RIF1: variants seen among roughly 807,000 people sequenced by gnomAD.
RIF1 encodes telomere-associated protein RIF1.
A neutral mutation model predicts 247.1 loss-of-function variants in RIF1; 45 were observed. The observed-to-expected ratio is 0.18, with a 90% CI of 0.14 to 0.23. RIF1 has a LOEUF of 0.23. RIF1 is among the 10% of genes least tolerant of loss of function. The probability of loss-of-function intolerance (pLI) is 1.00; values close to 1 mark genes in which losing one functional copy is unlikely to be tolerated. For missense variants in RIF1, 2,967 were observed against 2,862.5 expected, an observed-to-expected ratio of 1.04 and a Z score of -0.83; for synonymous variants, 1,087 against 978.8, an observed-to-expected ratio of 1.11 and a Z score of -2.06.
the RIF1 span, among the ~76,000 whole-genome samples, chr2:151,523,897 A>G: frequency 6.6e-5 from 10 of 152,204 alleles, no homozygotes. Context: ...TGAAAAAAAA[A>G]TGAATATTTT....
downstream of RIF1, among the ~76,000 whole-genome samples, chr2:151,487,059 G>A (rs913068230): frequency 5.3e-5 from 8 of 152,118 alleles, no homozygotes; most frequent in African/African-American, 1.7e-4. Flanking sequence ...GTGTGTGTGC[G>A]CATGTGCGTG....
At chr2:151,418,773 CT>C (rs1371577075) in intron 6 of RIF1, among the ~76,000 whole-genome samples, 1 of 151,834 alleles carries the variant, frequency 6.6e-6, no homozygotes. Context: ...ATATGGGAGA[CT>C]GAGGCATTGA....
At chr2:151,527,084 T>C in the RIF1 span, 3 of 1,101,124 alleles carry the variant, frequency 2.7e-6, no homozygotes, top group Non-Finnish European at 4.0e-6. Context: ...AGCTGGGCAT[T>C]TGATTAAACA....
the RIF1 span, among the ~76,000 whole-genome samples, chr2:151,517,708 G>T: frequency 6.6e-6 from 1 of 152,126 alleles, no homozygotes; most frequent in Non-Finnish European, 1.5e-5. Flanking sequence ...GAAATCTGTA[G>T]GCACTTGTAA....
rs2048913389 is a variant in RIF1 at position 151,476,057 on chromosome 2, A to G, written c.*986A>G. Reference sequence around the variant, plus strand: ...AAAAGTATCCAGAATAAGTAAAATTATAGAAATAAGAAAATGTTACACAAC... The same window carrying G: ...AAAAGTATCCAGAATAAGTAAAATTGTAGAAATAAGAAAATGTTACACAAC... On this transcript the variant is annotated 3_prime_UTR_variant, in exon 36 of 36. Coordinates refer to ENST00000444746, the MANE Select transcript of RIF1 (RefSeq NM_018151.5). The G allele has an allele frequency of 6.6e-6, 1 of 152,264 alleles. No individual in the cohort carries two copies. The highest frequency in any genetic ancestry group is 2.4e-5 in the African/African-American group (1 of 41,464). The allele number at this position is 152,264 out of a possible 1,614,324, so 9.4% of individuals were successfully genotyped here.
Position 151,410,562 on chromosome 2 carries a change from G to A in RIF1, c.104+35G>A, listed in dbSNP as rs376872435. 103 of 1,515,766 alleles carry A rather than the reference G, an allele frequency of 6.8e-5. No homozygotes were observed. In the African/African-American group the frequency reaches 1.1e-3, roughly 17 times the overall value. The allele number at this position is 1,515,766 out of a possible 1,614,324, so 93.9% of individuals were successfully genotyped here. ...GCCACGGGGCGTAGCGGAGAGTGGG[G>A]CGCTCTATAGTGGGGAGAAAGAAGG... On this transcript the variant is annotated intron_variant, in intron 2 of 35. Transcript: ENST00000444746.
intron 11 of RIF1, among the ~76,000 whole-genome samples, 180 bp downstream of exon 11, chr2:151,435,760 G>GTTTTTTTTT (rs200108983): frequency 6.7e-6 from 1 of 148,828 alleles, no homozygotes. Flanking sequence ...ATGTTTTTCT[G>GTTTTTTTTT]TTTTTTGTTT....
At chr2:151,450,269 CAG>C (rs945507418) in intron 20 of RIF1, among the ~76,000 whole-genome samples, 2 of 151,920 alleles carry the variant, frequency 1.3e-5, no homozygotes, top group Admixed American at 6.6e-5. Flanking sequence ...GTATTGTGAT[CAG>C]AGAGGATCAT....
downstream of RIF1, chr2:151,485,947 TG>T (rs1379056040): frequency 2.5e-6 from 4 of 1,612,692 alleles, no homozygotes; most frequent in African/African-American, 4.0e-5. Context: ...TTCGTGGGGA[TG>T]GAAAAGGGGA....
chr2:151,528,996 GGGA>G, the RIF1 span, among the ~76,000 whole-genome samples: 8 of 152,182 alleles, frequency 5.3e-5, no homozygotes, highest in Admixed American at 6.5e-5. Flanking sequence ...TCCATGGCAT[GGGA>G]TGAAGCTTCC....
chr2:151,467,447 C>T (rs1269234391), intron 30 of RIF1, among the ~76,000 whole-genome samples: 6 of 151,914 alleles, frequency 3.9e-5, no homozygotes, highest in East Asian at 3.9e-4. Context: ...CGGGTTCAAG[C>T]GATTCTCCTG....
intron 29 of RIF1, 40 bp downstream of exon 29, chr2:151,462,506 C>T (rs1450942633): frequency 1.5e-6 from 2 of 1,310,566 alleles, no homozygotes; most frequent in African/African-American, 3.0e-5. Context: ...TTTAGAATCA[C>T]CCTTCCATTA....
the RIF1 span, chr2:151,534,354 A>G: frequency 1.3e-6 from 2 of 1,569,994 alleles, no homozygotes; most frequent in South Asian, 1.1e-5. Flanking sequence ...TAGCAAGAGT[A>G]CAACTTCAAG....
At chr2:151,447,834 C>T (rs1008354724) in intron 20 of RIF1, among the ~76,000 whole-genome samples, 22 of 152,130 alleles carry the variant, frequency 1.4e-4, no homozygotes, top group Non-Finnish European at 2.6e-4. Context: ...AGCCATTGCA[C>T]CTGGCCTGGA....
At chr2:151,457,705 AT>A in intron 23 of RIF1, 55 bp from the exon 24 acceptor site, 1 of 1,308,814 alleles carries the variant, frequency 7.6e-7, no homozygotes, top group Non-Finnish European at 1.1e-6. Context: ...AGCAACATAT[AT>A]TCTGTGAGTT....
intron 30 of RIF1, among the ~76,000 whole-genome samples, chr2:151,467,589 C>A (rs915342101): frequency 2.6e-5 from 4 of 152,116 alleles, no homozygotes; most frequent in African/African-American, 9.7e-5. Context: ...GAGATCCACC[C>A]GCCTTGGCCT....
At chr2:151,509,633 G>GT (rs2072424326), downstream of RIF1, among the ~76,000 whole-genome samples, 3 of 152,050 alleles carry the variant, frequency 2.0e-5, no homozygotes, top group Non-Finnish European at 2.9e-5. Context: ...TGTTTGTTTG[G>GT]TTTTTTGTTT....
rs1036214440 is a variant in RIF1, at chr2:151,477,150, A to C, written c.*2079A>C. 7 of 152,238 alleles carry C rather than the reference A, an allele frequency of 4.6e-5. No individual in the cohort carries two copies. Among genetic ancestry groups the C allele is most frequent in the African/African-American group, 1.7e-4 (7 of 41,476 alleles). 9.4% of individuals were successfully genotyped at this position (152,238 alleles called of 1,614,324 possible). A position where few individuals can be genotyped will look rare whatever the true frequency, so the allele number is the denominator to read the frequency against. ...TCTTCATTTTGCTATGGCTATAAGC[A>C]TATATTTTTGGCAACTTATTTGCAA... On this transcript the variant is annotated 3_prime_UTR_variant, in exon 36 of 36. Transcript: ENST00000444746.
chr2:151,497,785 G>A (rs1331575684), intron 10 of RIF1: 2 of 1,541,774 alleles, frequency 1.3e-6, no homozygotes, highest in African/African-American at 1.4e-5. Flanking sequence ...GACTTTTTAA[G>A]GATGAGGAAA....
Sources: allele counts gnomAD v4.1 joint callset (sites outside exome capture counted in the v4.1 genomes callset), GRCh38; gene constraint gnomAD v4.1.1; transcripts MANE v1.5; gene names NCBI Gene and HGNC (gene_info 2026-07-23, HGNC 2026-07-21).